Variants in DNM3 observed in about 807,000 individuals in gnomAD.
DNM3 encodes dynamin 3.
Under a neutral mutation model 101.6 loss-of-function variants are expected in DNM3, and 47 were observed. That is an observed-to-expected ratio of 0.46 (90% CI 0.37 to 0.59). The LOEUF (loss-of-function observed/expected upper bound fraction) is 0.59. DNM3 is among the 20% of genes least tolerant of loss of function. DNM3 has a pLI of 0.00. For synonymous variants in DNM3, 385 were observed against 387.9 expected (o/e 0.99, Z 0.09); for missense variants, 849 against 1,085.7 (o/e 0.78, Z 3.06).
chr1:171,963,081 A>T (rs945981275), intron 2 of DNM3, among the ~76,000 whole-genome samples: 2 of 152,192 alleles, frequency 1.3e-5, no homozygotes, highest in African/African-American at 4.8e-5. Context: ...AGAAACTGGC[A>T]CATAAAGGTT....
In DNM3 at chr1:172,068,855, A is replaced by C; in HGVS notation, c.1372A>C (p.Arg458=). 1.3e-6 allele frequency: 2 copies of C among 1,575,940 alleles called. No individual in the cohort carries two copies. Among genetic ancestry groups the C allele is most frequent in the Non-Finnish European group, 1.7e-6 (2 of 1,159,882 alleles). Residue 458 remains arginine, a synonymous_variant, in exon 11 of 21, where the codon AGG becomes CGG. Coordinates refer to ENST00000627582, the MANE Select transcript of DNM3 (RefSeq NM_015569.5). ...CCCCAGACTCTGCGAGGAAACGGAA[A>C]GGATTGTTGCTAACCACATTCGTGA... ...NFPRLCEETE[R]IVANHIRERE... is the part of the protein sequence containing the mutation.
rs548416433 is a variant in DNM3, at chr1:172,393,489, C to T, written c.2522+4680C>T. On this transcript the variant is annotated intron_variant, in intron 20 of 20. Transcript: ENST00000627582. ...GGATGAAGCTGCTGAGCCCTGAAGT[C>T]GTGGGCTAAGGGTACACGGACAATT... 9 of 152,718 alleles carry T rather than the reference C, an allele frequency of 5.9e-5. 1 individual carries two copies. In the South Asian group the frequency reaches 6.2e-4, roughly 11 times the overall value. The allele number at this position is 152,718 out of a possible 1,614,324, so 9.5% of individuals were successfully genotyped here.
intron 13 of DNM3, among the ~76,000 whole-genome samples, chr1:172,129,625 C>A (rs1255331937): frequency 6.6e-6 from 1 of 152,108 alleles, no homozygotes; most frequent in Non-Finnish European, 1.5e-5. Context: ...AGAGCTTGTG[C>A]AGGGAAACTT....
chr1:171,969,607 A>G (rs1319003634), intron 2 of DNM3, among the ~76,000 whole-genome samples: 2 of 152,168 alleles, frequency 1.3e-5, no homozygotes, highest in African/African-American at 2.4e-5. Flanking sequence ...TCTTTGATAA[A>G]GAAGCTTTCT....
At chr1:172,107,259 T>G (rs570562990) in intron 13 of DNM3, among the ~76,000 whole-genome samples, 23 of 152,226 alleles carry the variant, frequency 1.5e-4, no homozygotes, top group Non-Finnish European at 3.4e-4. Context: ...AAAAATACTG[T>G]GTACTTTATT....
At chr1:172,187,680 GCCT>G (rs2059574110) in intron 14 of DNM3, among the ~76,000 whole-genome samples, 1 of 152,062 alleles carries the variant, frequency 6.6e-6, no homozygotes, top group Non-Finnish European at 1.5e-5. Flanking sequence ...TGGCACTTGT[GCCT>G]CCTCATTTTA....
chr1:171,868,654 C>A (rs2034989136), intron 1 of DNM3, among the ~76,000 whole-genome samples: 1 of 152,316 alleles, frequency 6.6e-6, no homozygotes, highest in Admixed American at 6.5e-5. Flanking sequence ...CTTCTGGCAA[C>A]TCTGGCTTGT....
At chr1:172,092,913 CA>C (rs2054009337) in intron 13 of DNM3, 38 bp downstream of exon 13, 2 of 1,515,032 alleles carry the variant, frequency 1.3e-6, no homozygotes, top group Non-Finnish European at 1.8e-6. Context: ...ATGCATGTCC[CA>C]AAGAATTTGA....
At chr1:172,190,784 T>C (rs1198672494) in intron 14 of DNM3, among the ~76,000 whole-genome samples, 13 of 152,232 alleles carry the variant, frequency 8.5e-5, no homozygotes, top group Admixed American at 5.2e-4. Context: ...GAGCATTTTT[T>C]CATGTGTCTG....
chr1:171,927,915 T>C (rs2040708508), intron 2 of DNM3, among the ~76,000 whole-genome samples: 1 of 152,228 alleles, frequency 6.6e-6, no homozygotes, highest in Non-Finnish European at 1.5e-5. Context: ...TATAATACTC[T>C]GGCCATTTGA....
At chr1:172,022,695 T>A (rs1487823723) in intron 4 of DNM3, among the ~76,000 whole-genome samples, 1 of 152,068 alleles carries the variant, frequency 6.6e-6, no homozygotes, top group African/African-American at 2.4e-5. Flanking sequence ...TTCTTTTAGC[T>A]ATTGATTTTG....
chr1:171,932,074 C>T (rs1427649978), intron 2 of DNM3, among the ~76,000 whole-genome samples: 8 of 119,314 alleles, frequency 6.7e-5, no homozygotes, highest in African/African-American at 2.5e-4. Flanking sequence ...ATTCCTCCCT[C>T]CCTCCCTCCC....
intron 13 of DNM3, among the ~76,000 whole-genome samples, chr1:172,114,122 A>G (rs1029107896): frequency 6.6e-6 from 1 of 152,156 alleles, no homozygotes; most frequent in Non-Finnish European, 1.5e-5. Flanking sequence ...AGAGAATTAA[A>G]ATTGGTTGCT....
intron 4 of DNM3, among the ~76,000 whole-genome samples, chr1:172,018,103 A>T (rs935282359): frequency 1.3e-5 from 2 of 151,778 alleles, no homozygotes; most frequent in Admixed American, 6.6e-5. Context: ...TTTAAAGTGA[A>T]TTTTTTGTAG....
At chr1:172,125,810 A>G (rs759740492) in intron 13 of DNM3, among the ~76,000 whole-genome samples, 67 of 152,172 alleles carry the variant, frequency 4.4e-4, no homozygotes, top group Non-Finnish European at 8.8e-4. Context: ...AGTGGACATT[A>G]ATAGATTTAT....
At chr1:171,847,293 A>G (rs962175697) in intron 1 of DNM3, among the ~76,000 whole-genome samples, 1 of 152,198 alleles carries the variant, frequency 6.6e-6, no homozygotes, top group Non-Finnish European at 1.5e-5. Flanking sequence ...TCCCTGAAAA[A>G]CTACAGTTCT....
At position 171,995,795 on chromosome 1, in the gene DNM3, A is replaced by G. The variant is rs1306896254; in HGVS notation, c.589+6647A>G. ...TGGCTAAGCAGGATGACCTATTTAG[A>G]TAGTAGAGGACCATTCTTCATTCTT... On this transcript the variant is annotated intron_variant, in intron 4 of 20. Transcript: ENST00000627582. Among the ~76,000 whole-genome samples, 3 of 152,110 alleles carry G rather than the reference A, an allele frequency of 2.0e-5. No homozygotes were observed. In the East Asian group the frequency reaches 5.8e-4, roughly 29 times the overall value.
rs762249441 is a variant in DNM3 at position 172,308,711 on chromosome 1, T to C, written c.1770-17T>C. Reference sequence around the variant, plus strand: ...GGTTCAAACTAAAAGCATGATTTTTTTTTTTTTTAACTCCAGGAATGTATA... The same window carrying C: ...GGTTCAAACTAAAAGCATGATTTTTCTTTTTTTTAACTCCAGGAATGTATA... On this transcript the variant is annotated splice_polypyrimidine_tract_variant and intron_variant, in intron 15 of 20. Coordinates refer to ENST00000627582, the MANE Select transcript of DNM3 (RefSeq NM_015569.5). 4 of 1,464,630 alleles carry C rather than the reference T, an allele frequency of 2.7e-6. No homozygotes were observed. The highest frequency in any genetic ancestry group is 2.8e-6 in the Non-Finnish European group (3 of 1,088,452). 90.7% of individuals were successfully genotyped at this position (1,464,630 alleles called of 1,614,324 possible).
At chr1:172,330,275 G>T (rs1332587926) in intron 17 of DNM3, among the ~76,000 whole-genome samples, 1 of 151,988 alleles carries the variant, frequency 6.6e-6, no homozygotes, top group African/African-American at 2.4e-5. Context: ...ATGGTATATT[G>T]ATTCAACAAA....
Sources: allele counts gnomAD v4.1 joint callset (sites outside exome capture counted in the v4.1 genomes callset), GRCh38; gene constraint gnomAD v4.1.1; transcripts MANE v1.5; gene names NCBI Gene and HGNC (gene_info 2026-07-23, HGNC 2026-07-21).